The following CSMD1 variants were observed in gnomAD, a reference collection of about 807,000 sequenced individuals.
The protein encoded by CSMD1 is CUB and sushi domain-containing protein 1.
A neutral mutation model predicts 417.5 loss-of-function variants in CSMD1; 213 were observed. That is an observed-to-expected ratio of 0.51 (90% CI 0.46 to 0.57). The LOEUF is 0.57. Ranked by LOEUF, CSMD1 falls within the 20% of genes least tolerant of loss-of-function variation. The pLI, the probability that CSMD1 is intolerant of heterozygous loss-of-function variation, is 0.00. For missense variants in CSMD1, 6,923 were observed against 4,529.7 expected, an observed-to-expected ratio of 1.53 and a Z score of -15.17; for synonymous variants, 2,862 against 1,736.8, an observed-to-expected ratio of 1.65 and a Z score of -16.11.
intron 54 of CSMD1, among the ~76,000 whole-genome samples, chr8:2,982,207 T>C (rs1805484426): frequency 6.6e-6 from 1 of 152,024 alleles, no homozygotes; most frequent in African/African-American, 2.4e-5. Context: ...AATACAAAAA[T>C]TAGCCAGGCA....
At chr8:3,523,928 C>G (rs1353236482) in intron 10 of CSMD1, among the ~76,000 whole-genome samples, 3 of 151,234 alleles carry the variant, frequency 2.0e-5, no homozygotes, top group African/African-American at 7.3e-5. Flanking sequence ...CACACATATG[C>G]ATGCACACTC....
chr8:3,729,324 G>T (rs552383359), intron 6 of CSMD1, among the ~76,000 whole-genome samples: 1 of 152,298 alleles, frequency 6.6e-6, no homozygotes, highest in South Asian at 2.1e-4. Flanking sequence ...CTGAGGGTGG[G>T]CTTCGGAGTG....
chr8:4,449,405 G>C (rs1194640200), intron 2 of CSMD1, among the ~76,000 whole-genome samples: 1 of 152,120 alleles, frequency 6.6e-6, no homozygotes, highest in Non-Finnish European at 1.5e-5. Context: ...CTGTGGCTAT[G>C]TTTAGAATAG....
At chr8:4,599,507 T>A (rs1800470054) in intron 2 of CSMD1, among the ~76,000 whole-genome samples, 1 of 151,546 alleles carries the variant, frequency 6.6e-6, no homozygotes, top group African/African-American at 2.4e-5. Flanking sequence ...ATATAAACCA[T>A]CAGTTTTTTT....
At chr8:4,012,991 C>A (rs529253612) in intron 4 of CSMD1, among the ~76,000 whole-genome samples, 2 of 152,260 alleles carry the variant, frequency 1.3e-5, no homozygotes, top group South Asian at 2.1e-4. Context: ...AGTAACAACA[C>A]CTCTCATTTT....
chr8:4,280,093 G>T (rs150681200), intron 3 of CSMD1, among the ~76,000 whole-genome samples: 1 of 152,198 alleles, frequency 6.6e-6, no homozygotes, highest in Admixed American at 6.5e-5. Context: ...AAATAACTCT[G>T]TTTTGTATGC....
At chr8:3,671,052 T>C (rs1301730386) in intron 7 of CSMD1, among the ~76,000 whole-genome samples, 1 of 136,230 alleles carries the variant, frequency 7.3e-6, no homozygotes, top group Non-Finnish European at 1.6e-5. Flanking sequence ...TATATGTATA[T>C]AGGATATATA....
chr8:3,662,349 TC>T (rs1365997452), intron 7 of CSMD1, among the ~76,000 whole-genome samples: 1 of 152,148 alleles, frequency 6.6e-6, no homozygotes, highest in African/African-American at 2.4e-5. Context: ...AATCTCTCTC[TC>T]CCCACTCCTC....
In CSMD1 at chr8:3,343,318, G is replaced by A; in HGVS notation, c.3607C>T (p.Gln1203Ter). ...EFNTNGSDTDQGFQLTYTSFD... is the reference protein window; with the variant it reads ...EFNTNGSDTD ...CTGGTATAGGTGAGTTGAAAACCTT[G>A]GTCGGTGTCAGATCCATTGGTGTTG... Residue 1203 changes from glutamine (Q) to a stop codon, truncating the protein, a stop_gained, in exon 23 of 70, where the codon CAA becomes TAA. Coordinates refer to ENST00000635120, the MANE Select transcript of CSMD1 (RefSeq NM_033225.6). LOFTEE classifies it high-confidence loss of function. 6.2e-7 allele frequency: 1 copy of A among 1,613,640 alleles called. No individual in the cohort carries two copies. Among genetic ancestry groups the A allele is most frequent in the Non-Finnish European group, 8.5e-7 (1 of 1,179,616 alleles).
At position 4,704,841 on chromosome 8, in the gene CSMD1, G is replaced by A. The variant is rs561447452; in HGVS notation, c.86-67283C>T. ...GTGCTTCCTACTGCATCTCTATGCT[G>A]ATGGGGCAAAACACCCTAGAGAAGG... On this transcript the variant is annotated intron_variant, in intron 1 of 69. Transcript: ENST00000635120. 8.5e-5 allele frequency among the ~76,000 whole-genome samples: 13 copies of A among 152,250 alleles called. 1 individual carries two copies. The East Asian group carries it at 9.6e-4, about 11-fold the overall frequency.
intron 3 of CSMD1, among the ~76,000 whole-genome samples, chr8:4,116,147 C>T (rs1030282668): frequency 6.6e-6 from 1 of 152,004 alleles, no homozygotes; most frequent in Non-Finnish European, 1.5e-5. Flanking sequence ...GCGCGTACCA[C>T]CGCACCCAGC....
chr8:3,194,454 T>TATTTTATTTC, intron 33 of CSMD1, among the ~76,000 whole-genome samples: 1 of 120,340 alleles, frequency 8.3e-6, no homozygotes, highest in South Asian at 2.4e-4. Flanking sequence ...TATTTTATTT[T>TATTTTATTTC]ATTTTATTTC....
intron 3 of CSMD1, among the ~76,000 whole-genome samples, chr8:4,033,463 T>A (rs113701644): frequency 3.9e-5 from 6 of 152,020 alleles, no homozygotes; most frequent in African/African-American, 1.4e-4. Flanking sequence ...ACAACAACAA[T>A]AAAAAAACCT....
At chr8:3,795,055 G>C (rs1231904974) in intron 5 of CSMD1, among the ~76,000 whole-genome samples, 4 of 148,126 alleles carry the variant, frequency 2.7e-5, no homozygotes, top group African/African-American at 7.5e-5. Flanking sequence ...ATCATGTATA[G>C]CTATAGATAT....
At chr8:3,249,268 CTGGAGTGCAGCGGCGTGA>C (rs1022069135) in intron 26 of CSMD1, among the ~76,000 whole-genome samples, 89 of 152,292 alleles carry the variant, frequency 5.8e-4, no homozygotes, top group African/African-American at 2.0e-3. Flanking sequence ...GTTGCCCAGT[CTGGAGTGCAGCGGCGTGA>C]TCTCAGTTCA....
intron 10 of CSMD1, among the ~76,000 whole-genome samples, chr8:3,518,731 G>C (rs1416711211): frequency 6.6e-6 from 1 of 152,152 alleles, no homozygotes; most frequent in South Asian, 2.1e-4. Flanking sequence ...CAAAGTCCTT[G>C]AGGAATGTGG....
rs773443664 is a variant in CSMD1, at chr8:3,586,206, A to C, written c.1152T>G (p.Ser384=). ...SCEDNYVLQG[S]KSITCQRVTE... ...TAACTCTCTGACAGGTGATGCTTTT[A>C]GATCCCTGGAGCACGTAATTGTCCT... The change falls in exon 9 of 70, where the codon TCT becomes TCG. Residue 384 remains serine (S), a synonymous_variant. Transcript: ENST00000635120. 4 of 1,612,972 alleles carry C rather than the reference A, an allele frequency of 2.5e-6. No homozygotes were observed. In the South Asian group the frequency reaches 3.3e-5, roughly 13 times the overall value.
chr8:4,064,540 G>T lies in CSMD1; in HGVS notation c.416-32441C>A, dbSNP rs140108383. Among the ~76,000 whole-genome samples, 407 of 152,238 alleles carry T rather than the reference G, an allele frequency of 2.7e-3. 2 individuals carry two copies. Among genetic ancestry groups the T allele is most frequent in the African/African-American group, 9.4e-3 (392 of 41,554 alleles). Reference sequence around the variant, plus strand: ...CATCCAAGTGAAGCCACCCATGAGGGGTGCATCGATGTCAACACACAGCTC... The same window carrying T: ...CATCCAAGTGAAGCCACCCATGAGGTGTGCATCGATGTCAACACACAGCTC... On this transcript the variant is annotated intron_variant, in intron 3 of 69. Transcript: ENST00000635120.
chr8:3,679,495 T>C (rs1472924865), intron 7 of CSMD1, among the ~76,000 whole-genome samples: 1 of 152,148 alleles, frequency 6.6e-6, no homozygotes, highest in Non-Finnish European at 1.5e-5. Flanking sequence ...CTATCCTAAA[T>C]ATATATTCAC....
Sources: allele counts gnomAD v4.1 joint callset (sites outside exome capture counted in the v4.1 genomes callset), GRCh38; gene constraint gnomAD v4.1.1; transcripts MANE v1.5; gene names NCBI Gene and HGNC (gene_info 2026-07-23, HGNC 2026-07-21).